Variants in SEC31B observed in about 807,000 individuals in gnomAD.
The protein encoded by SEC31B is SEC31 homolog B, COPII component.
A neutral mutation model predicts 135.0 loss-of-function variants in SEC31B; 113 were observed. That is an observed-to-expected ratio of 0.84 (90% CI 0.72 to 0.98). SEC31B has a LOEUF of 0.98. SEC31B is among the 50% of genes least tolerant of loss of function. The pLI, the probability that SEC31B is intolerant of heterozygous loss-of-function variation, is 0.00. For synonymous variants in SEC31B, 508 were observed against 549.4 expected (o/e 0.92, Z 1.05); for missense variants, 1,296 against 1,421.1 (o/e 0.91, Z 1.42).
chr10:100,488,458 CAAAA>C (rs5787387), intron 24 of SEC31B, among the ~76,000 whole-genome samples: 19 of 97,202 alleles, frequency 2.0e-4, no homozygotes, highest in African/African-American at 6.1e-4. Flanking sequence ...GACTCCATCT[CAAAA>C]AAAAAAAAAA....
intron 5 of SEC31B, 35 bp downstream of exon 5, chr10:100,508,972 A>C: frequency 6.6e-7 from 1 of 1,519,488 alleles, no homozygotes. Context: ...AATCAGCTGC[A>C]CACTCCAGGG....
intron 19 of SEC31B, among the ~76,000 whole-genome samples, chr10:100,494,557 A>G (rs149269147): frequency 3.2e-4 from 49 of 152,314 alleles, no homozygotes; most frequent in African/African-American, 1.2e-3. Context: ...CCAATTAAAT[A>G]ATAGTAATTC....
intron 3 of SEC31B, among the ~76,000 whole-genome samples, chr10:100,512,719 T>C (rs1462647423): frequency 6.6e-6 from 1 of 152,018 alleles, no homozygotes; most frequent in East Asian, 1.9e-4. Context: ...GTTTAGTTGA[T>C]AAAAAAGAGA....
rs1156650759 is a variant in SEC31B at position 100,507,980 on chromosome 10, G to A, written c.567C>T (p.Pro189=). The A allele has an allele frequency of 1.9e-6, 3 of 1,614,090 alleles. No individual in the cohort carries two copies. The highest frequency in any genetic ancestry group is 1.7e-5 in the Admixed American group (1 of 60,014). Residue 189 remains proline, a synonymous_variant, in exon 6 of 26, where the codon CCC becomes CCT. Coordinates refer to ENST00000370345, the MANE Select transcript of SEC31B (RefSeq NM_015490.4). Reference sequence around the variant, plus strand: ...GATCCCACACAACTGCCTTGCCACTGGGGTGAGCAGAAGACAGAATGTGTT... The same window carrying A: ...GATCCCACACAACTGCCTTGCCACTAGGGTGAGCAGAAGACAGAATGTGTT... ...QAQHILSSAH[P]SGKAVVWDLR...
rs146713847 is a variant in SEC31B, at chr10:100,514,851, C to T, written c.203+1245G>A. On this transcript the variant is annotated intron_variant, in intron 3 of 25. Coordinates refer to ENST00000370345, the MANE Select transcript of SEC31B (RefSeq NM_015490.4). ...AAAAAATTAGCCAGGTGTGGTGGCG[C>T]GCACCTGTAGTCCCAGCTACTCGGG... Among the ~76,000 whole-genome samples the T allele has an allele frequency of 6.6e-5, 10 of 151,226 alleles. No homozygotes were observed. In the East Asian group the frequency reaches 1.2e-3, roughly 18 times the overall value.
intron 15 of SEC31B, 74 bp from the exon 16 acceptor site, chr10:100,497,867 T>A (rs1402616738): frequency 6.2e-7 from 1 of 1,610,748 alleles, no homozygotes; most frequent in African/African-American, 1.3e-5. Context: ...TGCACAGGCC[T>A]CCTGTTAGAG....
intron 18 of SEC31B, 119 bp from the exon 19 acceptor site, chr10:100,495,665 G>A (rs1851394304): frequency 1.9e-6 from 2 of 1,054,368 alleles, no homozygotes; most frequent in South Asian, 2.8e-5. Flanking sequence ...TTATTTTGTT[G>A]TTGTTGTTGT....
intron 19 of SEC31B, among the ~76,000 whole-genome samples, chr10:100,491,423 G>A (rs1851297985): frequency 6.6e-6 from 1 of 152,174 alleles, no homozygotes; most frequent in African/African-American, 2.4e-5. Context: ...CCTGATGCCA[G>A]CAACAGAAAA....
intron 5 of SEC31B, chr10:100,508,400 CAA>C (rs1179980525): frequency 7.9e-6 from 4 of 503,170 alleles, no homozygotes; most frequent in South Asian, 1.5e-5. Flanking sequence ...CCCAAGACCC[CAA>C]GAGAGAGTGA....
intron 3 of SEC31B, among the ~76,000 whole-genome samples, chr10:100,515,359 T>A (rs1473350409): frequency 1.3e-5 from 2 of 152,164 alleles, no homozygotes; most frequent in East Asian, 1.9e-4. Flanking sequence ...TTGAGTATAA[T>A]GAATATTCAC....
In SEC31B at chr10:100,507,478, C is replaced by G. The variant is rs757712980; in HGVS notation, c.729G>C (p.Leu243=). The G allele has an allele frequency of 6.2e-7, 1 of 1,614,248 alleles. No homozygotes were observed. The highest frequency in any genetic ancestry group is 2.2e-5 in the East Asian group (1 of 44,890). Residue 243 remains leucine, a synonymous_variant, in exon 7 of 26, where the codon CTG becomes CTC. Coordinates refer to ENST00000370345, the MANE Select transcript of SEC31B (RefSeq NM_015490.4). ...GCGAGGAGGCAAAGCGCAAGTCCCA[C>G]AGCTGAATCACGGGAAGTCGATCAT... is the stretch of plus-strand genomic sequence containing the variant. ...SEDDRLPVIQ[L]WDLRFASSPL...
At chr10:100,495,891 C>T (rs535566296) in intron 18 of SEC31B, among the ~76,000 whole-genome samples, 1 of 152,152 alleles carries the variant, frequency 6.6e-6, no homozygotes, top group African/African-American at 2.4e-5. Context: ...TGAATCCCTG[C>T]CAAACACTTG....
chr10:100,505,305 C>A, intron 10 of SEC31B, 56 bp downstream of exon 10: 4 of 1,520,780 alleles, frequency 2.6e-6, no homozygotes, highest in Admixed American at 3.7e-5. Context: ...CACAAACACA[C>A]ACACACACAC....
chr10:100,489,043 T>C (rs891915107), intron 23 of SEC31B, 69 bp from the exon 24 acceptor site: 1 of 1,538,414 alleles, frequency 6.5e-7, no homozygotes, highest in Non-Finnish European at 8.7e-7. Context: ...CCCTAAGGAC[T>C]AGTCCCCAGT....
At chr10:100,489,497 A>T (rs1851257594) in intron 22 of SEC31B, 99 bp from the exon 23 acceptor site, 3 of 1,467,148 alleles carry the variant, frequency 2.0e-6, no homozygotes, top group Admixed American at 2.1e-5. Flanking sequence ...GAGACAGAAG[A>T]GTGAGTGTGG....
Position 100,496,339 on chromosome 10 carries a change from C to T in SEC31B, c.2229G>A (p.Arg743=), listed in dbSNP as rs1851407989. The change falls in exon 18 of 26, where the codon AGG becomes AGA. Residue 743 remains arginine (R), a synonymous_variant. Coordinates refer to ENST00000370345, the MANE Select transcript of SEC31B (RefSeq NM_015490.4). ...CCAGGAGGTTGGCATACTGAGTGACCCTGTAGGTTGTGGCAGGGCCTGGGC... is the reference window on the plus strand; with the variant it reads ...CCAGGAGGTTGGCATACTGAGTGACTCTGTAGGTTGTGGCAGGGCCTGGGC... ...GVSPGPATTY[R]VTQYANLLAA... 6.2e-7 allele frequency: 1 copy of T among 1,614,194 alleles called. No homozygotes were observed. The highest frequency in any genetic ancestry group is 8.5e-7 in the Non-Finnish European group (1 of 1,180,038).
chr10:100,487,648 C>T lies in SEC31B; in HGVS notation c.3508G>A (p.Val1170Ile), dbSNP rs751901538. The change falls in exon 26 of 26, where the codon GTC (valine) becomes ATC (isoleucine). Residue 1170 changes from valine (V) to isoleucine (I), a missense_variant. Coordinates refer to ENST00000370345, the MANE Select transcript of SEC31B (RefSeq NM_015490.4). ...VSSFMPILKA[V>I]LIIAHKLLV Reference sequence around the variant, plus strand: ...AGCAGCTTATGAGCGATGATGAGGACAGCCTTCAGGATAGGCATGAAGCTG... The same window carrying T: ...AGCAGCTTATGAGCGATGATGAGGATAGCCTTCAGGATAGGCATGAAGCTG... The T allele has an allele frequency of 4.3e-6, 7 of 1,613,362 alleles. No homozygotes were observed. The highest frequency in any genetic ancestry group is 5.9e-6 in the Non-Finnish European group (7 of 1,179,772).
chr10:100,489,232 G>A lies in SEC31B; in HGVS notation c.3171+20C>T, dbSNP rs369678317. On this transcript the variant is annotated intron_variant, in intron 23 of 25. Transcript: ENST00000370345. ...GGCTGGAAGGTTTCCCAAGGGAGGG[G>A]AATACATTGTCCTTGTCACCTGCAG... The A allele has an allele frequency of 6.3e-7, 1 of 1,592,382 alleles. No individual in the cohort carries two copies. The highest frequency in any genetic ancestry group is 8.5e-7 in the Non-Finnish European group (1 of 1,170,918).
At position 100,509,460 on chromosome 10, in the gene SEC31B, G is replaced by A. The variant is rs756794889; in HGVS notation, c.255C>T (p.Ser85=). ...TGTCCCCGCCGCCAACAATAACCCC[G>A]GAGCTTTCCAGAAGCCCACTGCCAA... ...GSFGSGLLES[S]GVIVGGGDNG... The change falls in exon 4 of 26, where the codon TCC becomes TCT. Residue 85 remains serine (S), a synonymous_variant. Coordinates refer to ENST00000370345, the MANE Select transcript of SEC31B (RefSeq NM_015490.4). 21 of 1,613,868 alleles carry A rather than the reference G, an allele frequency of 1.3e-5. No individual in the cohort carries two copies. The highest frequency in any genetic ancestry group is 2.2e-5 in the East Asian group (1 of 44,878).
Sources: allele counts gnomAD v4.1 joint callset (sites outside exome capture counted in the v4.1 genomes callset), GRCh38; gene constraint gnomAD v4.1.1; transcripts MANE v1.5; gene names NCBI Gene and HGNC (gene_info 2026-07-23, HGNC 2026-07-21).